Variants in CACNA1C observed in about 807,000 individuals in gnomAD.
CACNA1C encodes the protein voltage-dependent L-type calcium channel subunit alpha-1C.
CACNA1C carries 30 observed loss-of-function variants against 229.0 expected under a neutral mutation model. That is an observed-to-expected ratio of 0.13 (90% CI 0.10 to 0.18). CACNA1C has a LOEUF of 0.18. Among genes scored for constraint, CACNA1C ranks in the 10% least tolerant of loss-of-function variants. The probability of loss-of-function intolerance (pLI) is 1.00; values close to 1 mark genes in which losing one functional copy is unlikely to be tolerated. For missense variants in CACNA1C, 1,658 were observed against 2,845.0 expected (o/e 0.58, Z 9.49); for synonymous variants, 1,114 against 1,132.5 (o/e 0.98, Z 0.33).
chr12:2,623,215 G>C (rs1053854269), intron 29 of CACNA1C, among the ~76,000 whole-genome samples: 1 of 152,152 alleles, frequency 6.6e-6, no homozygotes, highest in South Asian at 2.1e-4. Context: ...ATTGGGTCAC[G>C]TTCAAACATC....
chr12:2,209,381 G>A (rs1261588581), intron 3 of CACNA1C, among the ~76,000 whole-genome samples: 5 of 152,128 alleles, frequency 3.3e-5, no homozygotes, highest in Admixed American at 2.0e-4. Flanking sequence ...AGAAACTCAC[G>A]GGGAGGAGTC....
rs1487732393 is a variant in CACNA1C at position 2,504,291 on chromosome 12, G to A, written c.1114-551G>A. On this transcript the variant is annotated intron_variant, in intron 7 of 46. Coordinates refer to ENST00000399655, the MANE Select transcript of CACNA1C (RefSeq NM_000719.7). This position sits in a 1 kb window ranked among gnomAD's most constrained non-coding sequence, Gnocchi z 6.8. The stretch of plus-strand genomic sequence containing the variant: ...TTCCTTTGAACATGGGCGATGCCCT[G>A]GGTAACACGGGTAACCTGGTGCACA... The A allele has an allele frequency of 1.6e-5, 10 of 609,626 alleles. No individual in the cohort carries two copies. In the Admixed American group the frequency reaches 2.3e-4, roughly 14 times the overall value. The allele number at this position is 609,626 out of a possible 1,614,324, so 37.8% of individuals were successfully genotyped here.
intron 10 of CACNA1C, chr12:2,550,538 T>G: frequency 1.5e-6 from 2 of 1,351,032 alleles, no homozygotes; most frequent in Non-Finnish European, 2.0e-6. Flanking sequence ...TCTCTCATCC[T>G]GCCAGTAAGG....
intron 3 of CACNA1C, among the ~76,000 whole-genome samples, chr12:2,164,095 C>T (rs970602229): frequency 1.3e-5 from 2 of 152,236 alleles, no homozygotes; most frequent in Non-Finnish European, 2.9e-5. Context: ...CTGCAAGACC[C>T]TGCTCCTTTC....
chr12:2,448,805 G>A (rs1469699669), intron 3 of CACNA1C, among the ~76,000 whole-genome samples, 171 bp from the exon 4 acceptor site: 8 of 151,566 alleles, frequency 5.3e-5, no homozygotes, highest in Non-Finnish European at 7.4e-5. Flanking sequence ...TGGTGCTGTC[G>A]CGGTAGAGCA....
At position 2,602,555 on chromosome 12, in the gene CACNA1C, G is replaced by T. The variant is rs897861917; in HGVS notation, c.2960+595G>T. Among the ~76,000 whole-genome samples, 1 of 151,922 alleles carries T rather than the reference G, an allele frequency of 6.6e-6. No individual in the cohort carries two copies. The highest frequency in any genetic ancestry group is 2.1e-4 in the South Asian group (1 of 4,812). On this transcript the variant is annotated intron_variant, in intron 22 of 46. Coordinates refer to ENST00000399655, the MANE Select transcript of CACNA1C (RefSeq NM_000719.7). This position sits in a 1 kb window ranked among gnomAD's most constrained non-coding sequence, Gnocchi z 4.4. ...TGTGTCTGCATATGTGTCTATGGAC[G>T]TGAATGTATATGTGTATGTATGTGC...
rs1569301173 is a variant in CACNA1C at position 2,690,995 on chromosome 12, AGAG to A, written c.6217_6219del (p.Glu2073del). 1 of 1,600,854 alleles carries A rather than the reference AGAG, an allele frequency of 6.2e-7. No homozygotes were observed. Among genetic ancestry groups the A allele is most frequent in the African/African-American group, 1.3e-5 (1 of 74,686 alleles). ...TGGCCGACGCCTGCGACATGACCAT[AGAG>A]GAGATGGAGAGCGCGGCCGACAACA... On this transcript the variant is annotated inframe_deletion, in exon 47 of 47. Coordinates refer to ENST00000399655, the MANE Select transcript of CACNA1C (RefSeq NM_000719.7).
At chr12:2,142,544 G>A (rs2094340459) in intron 3 of CACNA1C, among the ~76,000 whole-genome samples, 1 of 151,332 alleles carries the variant, frequency 6.6e-6, no homozygotes, top group African/African-American at 2.4e-5. Context: ...AACGTTAACT[G>A]TAAAACAGCC....
chr12:2,183,343 T>TC (rs1354081736), intron 3 of CACNA1C, among the ~76,000 whole-genome samples: 3 of 152,274 alleles, frequency 2.0e-5, no homozygotes, highest in African/African-American at 4.8e-5. Flanking sequence ...ATGCAGAGGT[T>TC]CCCTAACACC....
At chr12:2,036,609 G>A (rs1289525078) in intron 1 of CACNA1C, among the ~76,000 whole-genome samples, 7 of 152,118 alleles carry the variant, frequency 4.6e-5, no homozygotes, top group Non-Finnish European at 7.3e-5. Context: ...GCGATTACAG[G>A]CATGCGCCAC....
intron 1 of CACNA1C, 94 bp from the exon 2 acceptor site, chr12:2,115,130 T>C: frequency 9.8e-7 from 1 of 1,024,170 alleles, no homozygotes; most frequent in African/African-American, 1.6e-5. Flanking sequence ...GAAATAAGGT[T>C]TTGAAAAAAT....
At chr12:2,247,713 T>C (rs1429476998) in intron 3 of CACNA1C, among the ~76,000 whole-genome samples, 2 of 152,232 alleles carry the variant, frequency 1.3e-5, no homozygotes, top group Non-Finnish European at 2.9e-5. Flanking sequence ...CTTTAATCAC[T>C]TGTTCTTTTT....
chr12:2,085,008 T>C (rs1272540115), intron 1 of CACNA1C, among the ~76,000 whole-genome samples: 1 of 152,232 alleles, frequency 6.6e-6, no homozygotes, highest in Non-Finnish European at 1.5e-5. Flanking sequence ...AGCAGCACAT[T>C]TGGCAAATTT....
At chr12:2,359,277 G>A (rs990298617) in intron 3 of CACNA1C, among the ~76,000 whole-genome samples, 1 of 152,176 alleles carries the variant, frequency 6.6e-6, no homozygotes, top group Non-Finnish European at 1.5e-5. Context: ...CCACGTGAAT[G>A]GAGGGAAAGC....
chr12:2,469,638 T>G (rs759653750), intron 5 of CACNA1C, among the ~76,000 whole-genome samples: 2 of 152,160 alleles, frequency 1.3e-5, no homozygotes, highest in African/African-American at 2.4e-5. Context: ...GGAAAAGCGC[T>G]GAACTCAGAA....
intron 3 of CACNA1C, among the ~76,000 whole-genome samples, chr12:2,264,368 A>C (rs138875525): frequency 2.7e-4 from 41 of 152,332 alleles, no homozygotes; most frequent in Middle Eastern, 3.4e-3. Flanking sequence ...GGCAGATCAG[A>C]AGCCCTTGAT....
intron 3 of CACNA1C, among the ~76,000 whole-genome samples, chr12:2,205,212 A>G (rs2097719751): frequency 6.6e-6 from 1 of 152,142 alleles, no homozygotes; most frequent in Admixed American, 6.5e-5. Flanking sequence ...AAACTAGGCA[A>G]CAGACTTCTG....
At chr12:2,355,681 C>T (rs1016423747) in intron 3 of CACNA1C, among the ~76,000 whole-genome samples, 12 of 152,208 alleles carry the variant, frequency 7.9e-5, no homozygotes, top group Admixed American at 2.0e-4. Flanking sequence ...CTTCCTATTA[C>T]AGCTATGGCT....
chr12:2,574,668 C>A (rs186123401), intron 13 of CACNA1C, among the ~76,000 whole-genome samples: 253 of 152,368 alleles, frequency 1.7e-3, no homozygotes, highest in African/African-American at 4.6e-3. Flanking sequence ...CATGTCCCTA[C>A]CAGCATCTGG....
Sources: gnomAD v4.1 joint callset for allele counts (sites outside exome capture counted in the v4.1 genomes callset) on GRCh38, gnomAD v4.1.1 for gene constraint, Gnocchi (gnomAD v3.1) non-coding constraint, MANE v1.5 for transcripts, NCBI Gene and HGNC (gene_info 2026-07-23, HGNC 2026-07-21) for gene names.